The following LPP variants were observed in gnomAD, a reference collection of about 807,000 sequenced individuals.
LPP encodes lipoma-preferred partner.
LPP carries 38 observed loss-of-function variants against 60.4 expected under a neutral mutation model. The observed-to-expected ratio is 0.63, with a 90% confidence interval of 0.49 to 0.83. The LOEUF is 0.83. Ranked by LOEUF, LPP falls within the 40% of genes least tolerant of loss-of-function variation. LPP has a pLI of 0.00. For synonymous variants in LPP, 328 were observed against 290.8 expected, an observed-to-expected ratio of 1.13 and a Z score of -1.30; for missense variants, 902 against 783.6, an observed-to-expected ratio of 1.15 and a Z score of -1.80.
chr3:188,659,636 G>C (rs1273340126), intron 7 of LPP, among the ~76,000 whole-genome samples: 2 of 152,168 alleles, frequency 1.3e-5, no homozygotes, highest in Admixed American at 6.5e-5. Flanking sequence ...TGCAGCCAGA[G>C]ACTTGCTCCT....
At position 188,373,518 on chromosome 3, in the gene LPP, T is replaced by C. The variant is rs373205284; in HGVS notation, c.-10+31799T>C. Among the ~76,000 whole-genome samples, 6 of 152,344 alleles carry C rather than the reference T, an allele frequency of 3.9e-5. No individual in the cohort carries two copies. In the East Asian group the frequency reaches 1.2e-3, roughly 29 times the overall value. ...CATAAATGTCTTCTTTTGAGAAGTG[T>C]CTGTTCATGTCCTTCTCCCACTTTT... is the stretch of plus-strand genomic sequence containing the variant. On this transcript the variant is annotated intron_variant, in intron 3 of 11. Transcript: ENST00000617246.
intron 8 of LPP, among the ~76,000 whole-genome samples, chr3:188,730,176 C>A (rs1192347965): frequency 6.6e-6 from 1 of 152,122 alleles, no homozygotes; most frequent in Non-Finnish European, 1.5e-5. Context: ...CTGGTCCCAC[C>A]TTCAAGGAGA....
chr3:188,542,147 A>T (rs1028944732), intron 6 of LPP, among the ~76,000 whole-genome samples: 6 of 152,206 alleles, frequency 3.9e-5, no homozygotes, highest in Non-Finnish European at 8.8e-5. Flanking sequence ...CAGTTCTGCC[A>T]TACCTAGAAA....
At chr3:188,366,575 G>A (rs923107539) in intron 3 of LPP, among the ~76,000 whole-genome samples, 1 of 152,216 alleles carries the variant, frequency 6.6e-6, no homozygotes, top group South Asian at 2.1e-4. Context: ...TAACGTGTGT[G>A]AGGTATTTTG....
intron 2 of LPP, among the ~76,000 whole-genome samples, chr3:188,231,101 A>G (rs1343022960): frequency 6.6e-6 from 1 of 152,224 alleles, no homozygotes; most frequent in African/African-American, 2.4e-5. Flanking sequence ...TGAGAGGCAA[A>G]TCACAGTCTT....
intron 9 of LPP, among the ~76,000 whole-genome samples, chr3:188,812,162 G>T (rs1022121318): frequency 1.3e-5 from 2 of 152,120 alleles, no homozygotes; most frequent in Non-Finnish European, 2.9e-5. Flanking sequence ...AACATTAAGT[G>T]TAGTTCATAT....
chr3:188,353,756 C>T (rs993308839), intron 3 of LPP, among the ~76,000 whole-genome samples: 1 of 152,194 alleles, frequency 6.6e-6, no homozygotes, highest in Non-Finnish European at 1.5e-5. Flanking sequence ...CTTTGGGTAA[C>T]ACTTTAGCTG....
In LPP at chr3:188,352,658, G is replaced by A. The variant is rs1766238750; in HGVS notation, c.-10+10939G>A. On this transcript the variant is annotated intron_variant, in intron 3 of 11. Coordinates refer to ENST00000617246, the MANE Select transcript of LPP (RefSeq NM_001375462.1). This position sits in a 1 kb window ranked among gnomAD's most constrained non-coding sequence, Gnocchi z 4.4. Reference sequence around the variant, plus strand: ...CCACAGAGTGCATAGAGAGAAGGCTGGGAGAGGAGGTCAGGTCTTGTTTCC... The same window carrying A: ...CCACAGAGTGCATAGAGAGAAGGCTAGGAGAGGAGGTCAGGTCTTGTTTCC... Among the ~76,000 whole-genome samples the A allele has an allele frequency of 1.3e-5, 2 of 151,808 alleles. No individual in the cohort carries two copies. The highest frequency in any genetic ancestry group is 2.9e-5 in the Non-Finnish European group (2 of 68,006).
chr3:188,454,197 A>G (rs1250958204), intron 4 of LPP, among the ~76,000 whole-genome samples: 1 of 152,250 alleles, frequency 6.6e-6, no homozygotes, highest in African/African-American at 2.4e-5. Flanking sequence ...CAGGCAGGAC[A>G]CCAGCTTAGG....
intron 9 of LPP, among the ~76,000 whole-genome samples, chr3:188,824,123 C>G (rs1338125643): frequency 6.6e-6 from 1 of 152,128 alleles, no homozygotes; most frequent in Non-Finnish European, 1.5e-5. Context: ...CTACTGTATA[C>G]TAGTAGTGTG....
At position 188,725,695 on chromosome 3, in the gene LPP, A is replaced by G. The variant is rs558149625; in HGVS notation, c.1240+17302A>G. Among the ~76,000 whole-genome samples the G allele has an allele frequency of 1.1e-4, 16 of 152,336 alleles. No individual in the cohort carries two copies. In the South Asian group the frequency reaches 3.3e-3, roughly 32 times the overall value. ...CCAGACAATTGTTCCAAGCATTTCC[A>G]TTAAACATTAGTCCACAAAATATAG... On this transcript the variant is annotated intron_variant, in intron 8 of 11. Coordinates refer to ENST00000617246, the MANE Select transcript of LPP (RefSeq NM_001375462.1).
chr3:188,757,889 GTTT>G (rs750488243), intron 8 of LPP, among the ~76,000 whole-genome samples: 2 of 78,740 alleles, frequency 2.5e-5, no homozygotes, highest in African/African-American at 5.1e-5. Flanking sequence ...TGTTTTTTTG[GTTT>G]TTTTTTTTTT....
chr3:188,439,570 G>C (rs1793258175), intron 4 of LPP, among the ~76,000 whole-genome samples: 2 of 152,108 alleles, frequency 1.3e-5, no homozygotes, highest in African/African-American at 4.8e-5. Flanking sequence ...GTTAAACCTG[G>C]GGACAGTTCA....
At chr3:188,445,576 A>G (rs1225002967) in intron 4 of LPP, among the ~76,000 whole-genome samples, 1 of 152,102 alleles carries the variant, frequency 6.6e-6, no homozygotes, top group Non-Finnish European at 1.5e-5. Context: ...ACCGTGGCAT[A>G]TGTATACCTA....
intron 6 of LPP, among the ~76,000 whole-genome samples, chr3:188,530,718 T>C (rs1279163899): frequency 6.6e-6 from 1 of 152,240 alleles, no homozygotes; most frequent in Non-Finnish European, 1.5e-5. Context: ...CTTTCTTTTA[T>C]GGCGTCTTCT....
At chr3:188,730,445 A>C (rs1194127242) in intron 8 of LPP, among the ~76,000 whole-genome samples, 1 of 152,212 alleles carries the variant, frequency 6.6e-6, no homozygotes, top group African/African-American at 2.4e-5. Context: ...GAATTGAGTG[A>C]ATTATCCCAA....
In LPP at chr3:188,495,066, A is replaced by T. The variant is rs865783051; in HGVS notation, c.306+10362A>T. 2.8e-4 allele frequency among the ~76,000 whole-genome samples: 26 copies of T among 91,746 alleles called. 1 individual carries two copies. The highest frequency in any genetic ancestry group is 1.6e-3 in the African/African-American group (25 of 15,668). The allele number at this position is 91,746 out of a possible 152,430, so 60.2% of individuals were successfully genotyped here. On this transcript the variant is annotated intron_variant, in intron 5 of 11. Transcript: ENST00000617246. The stretch of plus-strand genomic sequence containing the variant: ...TTGCTATTATAAGGTTCAGGATTTT[A>T]TATATATATATATATATTTTATTTA...
At chr3:188,513,185 G>A (rs1164650996) in intron 5 of LPP, among the ~76,000 whole-genome samples, 1 of 152,152 alleles carries the variant, frequency 6.6e-6, no homozygotes, top group African/African-American at 2.4e-5. Flanking sequence ...TCAAATAAAT[G>A]TATTTCCCTT....
intron 5 of LPP, among the ~76,000 whole-genome samples, chr3:188,521,181 C>T (rs1336571303): frequency 1.3e-5 from 2 of 152,120 alleles, no homozygotes; most frequent in East Asian, 3.9e-4. Flanking sequence ...AATCTTCTCC[C>T]CTCTCACCCC....
Sources: gnomAD v4.1 joint callset for allele counts (sites outside exome capture counted in the v4.1 genomes callset) on GRCh38, gnomAD v4.1.1 for gene constraint, Gnocchi (gnomAD v3.1) non-coding constraint, MANE v1.5 for transcripts, NCBI Gene and HGNC (gene_info 2026-07-23, HGNC 2026-07-21) for gene names.